The following THRB variants were observed in gnomAD, a reference collection of about 807,000 sequenced individuals.
THRB encodes thyroid hormone receptor beta.
THRB carries 12 observed loss-of-function variants against 47.8 expected under a neutral mutation model. That is an observed-to-expected ratio of 0.25 (90% CI 0.16 to 0.41). THRB has a LOEUF of 0.41. Ranked by LOEUF, THRB falls within the 10% of genes least tolerant of loss-of-function variation. The pLI, the probability that THRB is intolerant of heterozygous loss-of-function variation, is 1.00. For missense variants in THRB, 348 were observed against 589.2 expected, an observed-to-expected ratio of 0.59 and a Z score of 4.24; for synonymous variants, 218 against 212.2, an observed-to-expected ratio of 1.03 and a Z score of -0.24.
At chr3:24,345,648 T>C (rs2062964818) in intron 1 of THRB, among the ~76,000 whole-genome samples, 1 of 152,086 alleles carries the variant, frequency 6.6e-6, no homozygotes. Context: ...CAAGAAAGCA[T>C]GCTGTAAGTG....
chr3:24,199,302 A>T (rs1383199829), intron 4 of THRB, among the ~76,000 whole-genome samples: 1 of 152,210 alleles, frequency 6.6e-6, no homozygotes, highest in Non-Finnish European at 1.5e-5. Context: ...TTTTAGGCAA[A>T]GTCTTGCAAA....
chr3:24,381,462 T>C (rs564111317), intron 1 of THRB, among the ~76,000 whole-genome samples: 1 of 152,250 alleles, frequency 6.6e-6, no homozygotes, highest in East Asian at 1.9e-4. Context: ...CCTGGCTCAC[T>C]ACCACCACAT....
chr3:24,473,455 A>T (rs1694992560), intron 1 of THRB, among the ~76,000 whole-genome samples: 1 of 152,210 alleles, frequency 6.6e-6, no homozygotes, highest in African/African-American at 2.4e-5. Context: ...GCTGTAGAGG[A>T]TGTGGAGAAA....
At chr3:24,211,154 C>A (rs111440442) in intron 4 of THRB, among the ~76,000 whole-genome samples, 1 of 147,510 alleles carries the variant, frequency 6.8e-6, no homozygotes, top group African/African-American at 2.5e-5. Flanking sequence ...AAGCTAAGAT[C>A]GCGCCACTGC....
intron 1 of THRB, among the ~76,000 whole-genome samples, chr3:24,426,545 C>T (rs959775588): frequency 3.3e-5 from 5 of 151,864 alleles, no homozygotes; most frequent in Admixed American, 3.3e-4. Flanking sequence ...TCCTAGAAAC[C>T]CACCTTCAGC....
At chr3:24,209,814 A>C (rs890385693) in intron 4 of THRB, among the ~76,000 whole-genome samples, 4 of 152,238 alleles carry the variant, frequency 2.6e-5, no homozygotes, top group Non-Finnish European at 5.9e-5. Context: ...CCTAGAACTT[A>C]AAATATTAAA....
chr3:24,390,636 C>G (rs1300899630), intron 1 of THRB, among the ~76,000 whole-genome samples: 1 of 151,954 alleles, frequency 6.6e-6, no homozygotes, highest in Non-Finnish European at 1.5e-5. Context: ...CACTTGGTAG[C>G]TTTGCTTTAT....
At chr3:24,205,846 C>A (rs1188777406) in intron 4 of THRB, among the ~76,000 whole-genome samples, 2 of 152,142 alleles carry the variant, frequency 1.3e-5, no homozygotes, top group African/African-American at 4.8e-5. Flanking sequence ...GCAGAGGTTG[C>A]AATCCTAGTC....
chr3:24,246,756 T>C (rs2050147845), intron 3 of THRB, among the ~76,000 whole-genome samples: 3 of 152,132 alleles, frequency 2.0e-5, no homozygotes, highest in African/African-American at 7.2e-5. Context: ...TTTTTATAGG[T>C]GTAATTTGGA....
intron 1 of THRB, among the ~76,000 whole-genome samples, chr3:24,382,328 G>A (rs7620346): frequency 0.01 from 1,586 of 152,148 alleles, 24 homozygotes; most frequent in African/African-American, 0.036. Flanking sequence ...CTATGCAGGT[G>A]ACTGTATATT....
In THRB at chr3:24,120,456, A is replaced by T. The variant is rs2031481365; in HGVS notation, c.*2428T>A. On this transcript the variant is annotated 3_prime_UTR_variant, in exon 11 of 11. Transcript: ENST00000646209. ...GCTTGAGATCAGGCTCTGAACTTAT[A>T]TTCAAATCTGGGTGTCTGATGTACT... is the stretch of plus-strand genomic sequence containing the variant. 1 of 152,208 alleles carries T rather than the reference A, an allele frequency of 6.6e-6. No homozygotes were observed. Among genetic ancestry groups the T allele is most frequent in the Non-Finnish European group, 1.5e-5 (1 of 68,050 alleles). The allele number at this position is 152,208 out of a possible 1,614,324, so 9.4% of individuals were successfully genotyped here.
intron 3 of THRB, among the ~76,000 whole-genome samples, chr3:24,254,760 C>T (rs528694988): frequency 6.6e-6 from 1 of 152,170 alleles, no homozygotes; most frequent in Non-Finnish European, 1.5e-5. Context: ...AATGCATATA[C>T]CCAAACAAAG....
chr3:24,442,723 C>T (rs1432142835), intron 1 of THRB, among the ~76,000 whole-genome samples: 1 of 151,922 alleles, frequency 6.6e-6, no homozygotes, highest in African/African-American at 2.4e-5. Context: ...ACTCGGGAGG[C>T]TGACGCAGGA....
At chr3:24,327,433 C>G (rs914051459) in intron 2 of THRB, among the ~76,000 whole-genome samples, 1 of 152,128 alleles carries the variant, frequency 6.6e-6, no homozygotes. Flanking sequence ...ATATTCCAAT[C>G]AGATCCTAAA....
At chr3:24,384,995 A>T (rs2065983872) in intron 1 of THRB, among the ~76,000 whole-genome samples, 2 of 152,116 alleles carry the variant, frequency 1.3e-5, no homozygotes, top group African/African-American at 4.8e-5. Context: ...ATACTACTTC[A>T]ATTAAAACAA....
intron 5 of THRB, among the ~76,000 whole-genome samples, chr3:24,180,493 A>C (rs139806874): frequency 4.8e-4 from 73 of 152,362 alleles, no homozygotes; most frequent in African/African-American, 1.7e-3. Context: ...CCATACTGAC[A>C]AATGTCATGG....
chr3:24,494,791 T>C lies in THRB; in HGVS notation c.-400A>G, dbSNP rs1460182156. The C allele has an allele frequency of 6.6e-6, 1 of 151,516 alleles. No individual in the cohort carries two copies. Among genetic ancestry groups the C allele is most frequent in the Non-Finnish European group, 1.5e-5 (1 of 67,976 alleles). 9.4% of individuals were successfully genotyped at this position (151,516 alleles called of 1,614,324 possible). A position where few individuals can be genotyped will look rare whatever the true frequency, so the allele number is the denominator to read the frequency against. The stretch of plus-strand genomic sequence containing the variant: ...CAGGAGGTCTCTTTTCCAAGCGCAC[T>C]CACATTATTCATGCAAAGTTAATCC... On this transcript the variant is annotated 5_prime_UTR_variant, in exon 1 of 11. It removes the in-frame stop codon of an upstream open reading frame in the 5' UTR. Transcript: ENST00000646209.
At chr3:24,326,325 T>C (rs2061591910) in intron 2 of THRB, among the ~76,000 whole-genome samples, 1 of 152,142 alleles carries the variant, frequency 6.6e-6, no homozygotes, top group South Asian at 2.1e-4. Flanking sequence ...AACCTCCGCC[T>C]CCCAGGTTCA....
intron 2 of THRB, among the ~76,000 whole-genome samples, chr3:24,325,149 T>C (rs2058723912): frequency 6.6e-6 from 1 of 152,204 alleles, no homozygotes. Flanking sequence ...GTCTATCAGA[T>C]GAAATTATTA....
Sources: allele counts gnomAD v4.1 joint callset (sites outside exome capture counted in the v4.1 genomes callset), GRCh38; gene constraint gnomAD v4.1.1; transcripts MANE v1.5; gene names NCBI Gene and HGNC (gene_info 2026-07-23, HGNC 2026-07-21).